The following ROBO1 variants were observed in gnomAD, a reference collection of about 807,000 sequenced individuals.
ROBO1 encodes roundabout guidance receptor 1.
In ROBO1, 149 loss-of-function variants were observed where a neutral mutation model predicts 195.9. The observed-to-expected ratio is 0.76, with a 90% CI of 0.67 to 0.87. The LOEUF is 0.87. Ranked by LOEUF, ROBO1 falls within the 40% of genes least tolerant of loss-of-function variation. The probability of loss-of-function intolerance (pLI) is 0.00; values close to 1 mark genes in which losing one functional copy is unlikely to be tolerated. For missense variants in ROBO1, 1,933 were observed against 2,068.3 expected (o/e 0.93, Z 1.27); for synonymous variants, 816 against 733.2 (o/e 1.11, Z -1.82).
chr3:78,817,851 TA>T (rs1047746542), intron 4 of ROBO1, among the ~76,000 whole-genome samples: 4 of 152,162 alleles, frequency 2.6e-5, no homozygotes, highest in African/African-American at 9.7e-5. Flanking sequence ...GTAAATTAAG[TA>T]AAAAGATGGG....
At chr3:79,113,784 T>G (rs914740356) in intron 3 of ROBO1, among the ~76,000 whole-genome samples, 9 of 152,118 alleles carry the variant, frequency 5.9e-5, no homozygotes, top group Admixed American at 4.6e-4. Flanking sequence ...AAGTCAATTT[T>G]AAAGACTTGA....
At chr3:78,756,684 T>C (rs889566182) in intron 4 of ROBO1, among the ~76,000 whole-genome samples, 1 of 152,178 alleles carries the variant, frequency 6.6e-6, no homozygotes, top group African/African-American at 2.4e-5. Flanking sequence ...TTTCATAGCA[T>C]GCTTTGTTTA....
At chr3:78,620,118 T>C (rs1704367717) in intron 26 of ROBO1, among the ~76,000 whole-genome samples, 1 of 152,008 alleles carries the variant, frequency 6.6e-6, no homozygotes, top group Admixed American at 6.6e-5. Context: ...GGTCAAGATC[T>C]AAATAAAGTT....
At chr3:78,994,450 A>G (rs2077312846) in intron 3 of ROBO1, among the ~76,000 whole-genome samples, 1 of 152,170 alleles carries the variant, frequency 6.6e-6, no homozygotes, top group South Asian at 2.1e-4. Flanking sequence ...AAAGATAGTA[A>G]ATCTGTTGAT....
At chr3:78,682,789 G>A (rs1044260478) in intron 10 of ROBO1, among the ~76,000 whole-genome samples, 8 of 148,558 alleles carry the variant, frequency 5.4e-5, no homozygotes, top group Admixed American at 4.7e-4. Context: ...TAATTTTATT[G>A]TTGAATTGTA....
intron 2 of ROBO1, among the ~76,000 whole-genome samples, chr3:79,246,960 T>C (rs1395393013): frequency 1.3e-5 from 2 of 151,994 alleles, no homozygotes; most frequent in South Asian, 2.1e-4. Flanking sequence ...TAAAGCACTT[T>C]ATGCCTGGCA....
At chr3:78,743,395 C>T (rs559693050) in intron 5 of ROBO1, among the ~76,000 whole-genome samples, 1 of 152,220 alleles carries the variant, frequency 6.6e-6, no homozygotes, top group South Asian at 2.1e-4. Context: ...ATCGTCTTTA[C>T]TTGGCGGCCC....
At chr3:78,944,380 T>C (rs1440114650) in intron 3 of ROBO1, among the ~76,000 whole-genome samples, 1 of 152,228 alleles carries the variant, frequency 6.6e-6, no homozygotes, top group Admixed American at 6.5e-5. Context: ...TTTTTCTCTC[T>C]CTGCCATGTG....
intron 2 of ROBO1, among the ~76,000 whole-genome samples, chr3:79,276,536 C>A (rs2031048706): frequency 6.6e-6 from 1 of 151,858 alleles, no homozygotes; most frequent in South Asian, 2.1e-4. Flanking sequence ...AAACACTGGG[C>A]AAACTGTCTA....
intron 2 of ROBO1, among the ~76,000 whole-genome samples, chr3:79,335,597 C>A (rs1008424291): frequency 6.6e-6 from 1 of 152,132 alleles, no homozygotes; most frequent in African/African-American, 2.4e-5. Context: ...TTCCTGAGGC[C>A]TCCCCAGCCA....
intron 3 of ROBO1, among the ~76,000 whole-genome samples, chr3:78,972,912 T>C (rs562065913): frequency 2.9e-4 from 44 of 152,242 alleles, no homozygotes; most frequent in African/African-American, 1.0e-3. Flanking sequence ...AGCTATTAGA[T>C]TGTGAGATGC....
intron 10 of ROBO1, among the ~76,000 whole-genome samples, chr3:78,676,332 C>T (rs1258652054): frequency 1.3e-5 from 2 of 152,200 alleles, no homozygotes; most frequent in African/African-American, 4.8e-5. Context: ...TGGAGAATGA[C>T]TTTGACGAGT....
At chr3:79,209,106 G>C (rs934671553) in intron 2 of ROBO1, among the ~76,000 whole-genome samples, 1 of 152,074 alleles carries the variant, frequency 6.6e-6, no homozygotes, top group African/African-American at 2.4e-5. Flanking sequence ...TGGTGCACCT[G>C]TCACCCAAAC....
intron 1 of ROBO1, among the ~76,000 whole-genome samples, chr3:79,638,342 A>G (rs12493415): frequency 0.91 from 138,410 of 152,164 alleles, 63,139 homozygotes; most frequent in African/African-American, 0.98. Context: ...TTTCTAACTT[A>G]CCAAAATAAA....
chr3:78,601,092 A>G (rs1472793239), intron 29 of ROBO1, among the ~76,000 whole-genome samples: 1 of 151,994 alleles, frequency 6.6e-6, no homozygotes, highest in African/African-American at 2.4e-5. Context: ...CTTCTCTCCA[A>G]AGTCTGCCAA....
At chr3:79,473,857 T>C (rs1488865204) in intron 2 of ROBO1, among the ~76,000 whole-genome samples, 1 of 152,100 alleles carries the variant, frequency 6.6e-6, no homozygotes. Context: ...AATTACTCTT[T>C]ATATCAAGGA....
rs780209807 is a variant in ROBO1, at chr3:78,685,854, C to T, written c.1234G>A (p.Asp412Asn). 17 of 1,609,200 alleles carry T rather than the reference C, an allele frequency of 1.1e-5. No individual in the cohort carries two copies. The highest frequency in any genetic ancestry group is 1.1e-5 in the South Asian group (1 of 90,378). ...SSRFSVSQTG[D>N]LTITNVQRSD... ...CGCTGGACATTAGTAATTGTGAGGT[C>T]GCCAGTCTGGGAGACTGAAAATCGG... is the stretch of plus-strand genomic sequence containing the variant. The change falls in exon 10 of 31, where the codon GAC becomes AAC. Residue 412 changes from aspartate to asparagine, a missense_variant. Around this residue, in one of 3 missense-constraint regions of ROBO1, gnomAD observed 1,737 missense variants for 1,882.5 expected, o/e 0.92. Transcript: ENST00000464233.
chr3:78,988,041 A>G (rs2108035682), intron 3 of ROBO1, among the ~76,000 whole-genome samples: 1 of 152,278 alleles, frequency 6.6e-6, no homozygotes, highest in South Asian at 2.1e-4. Flanking sequence ...TTCCCTTAAT[A>G]ACTTTTGGTG....
intron 2 of ROBO1, among the ~76,000 whole-genome samples, chr3:79,542,185 C>CAGG (rs1942096264): frequency 6.6e-6 from 1 of 151,940 alleles, no homozygotes; most frequent in African/African-American, 2.4e-5. Flanking sequence ...TAGCAATTAA[C>CAGG]AGGATTTATT....
Sources: allele counts gnomAD v4.1 joint callset (sites outside exome capture counted in the v4.1 genomes callset), GRCh38; gene constraint gnomAD v4.1.1; regional missense constraint gnomAD v4.1.1; transcripts MANE v1.5; gene names NCBI Gene and HGNC (gene_info 2026-07-23, HGNC 2026-07-21).